Variants in STRIP2 observed in about 807,000 individuals in gnomAD.
STRIP2 encodes striatin interacting protein 2, also known as striatin-interacting protein 2.
In STRIP2, 84 loss-of-function variants were observed where a neutral mutation model predicts 107.1. That is an observed-to-expected ratio of 0.78 (90% CI 0.66 to 0.94). STRIP2 has a LOEUF of 0.94. Ranked by LOEUF, STRIP2 falls within the 40% of genes least tolerant of loss-of-function variation. STRIP2 has a pLI of 0.00. For synonymous variants in STRIP2, 394 were observed against 400.4 expected, an observed-to-expected ratio of 0.98 and a Z score of 0.19; for missense variants, 888 against 1,034.2, an observed-to-expected ratio of 0.86 and a Z score of 1.94.
chr7:129,481,650 G>A (rs1257571449), intron 19 of STRIP2, among the ~76,000 whole-genome samples: 1 of 152,084 alleles, frequency 6.6e-6, no homozygotes. Flanking sequence ...AGTGGTGCAT[G>A]CCTGTAATCC....
At chr7:129,476,775 C>A (rs942453015) in intron 18 of STRIP2, among the ~76,000 whole-genome samples, 1 of 152,228 alleles carries the variant, frequency 6.6e-6, no homozygotes, top group East Asian at 1.9e-4. Context: ...GACGGGGTGG[C>A]GGCCGGGCAG....
intron 11 of STRIP2, 44 bp from the exon 12 acceptor site, chr7:129,459,473 C>T (rs774184932): frequency 9.0e-6 from 14 of 1,562,348 alleles, no homozygotes; most frequent in South Asian, 2.2e-5. Flanking sequence ...CAGTAGTTCT[C>T]GTACTTTGGA....
At chr7:129,454,242 G>T (rs767022707) in intron 6 of STRIP2, 32 bp downstream of exon 6, 1 of 1,608,036 alleles carries the variant, frequency 6.2e-7, no homozygotes, top group Non-Finnish European at 8.5e-7. Context: ...CTTGGAACAG[G>T]GCAGATGATT....
At chr7:129,462,850 AC>A (rs1798576301) in intron 13 of STRIP2, 115 bp from the exon 14 acceptor site, 1 of 747,858 alleles carries the variant, frequency 1.3e-6, no homozygotes, top group Non-Finnish European at 2.3e-6. Context: ...TAGGGTAGAA[AC>A]CTAGATCTGA....
Position 129,458,609 on chromosome 7 carries a change from C to A in STRIP2, c.1275-103C>A. The stretch of plus-strand genomic sequence containing the variant: ...TGTTGATTGCTGCCTTTTTCCACTG[C>A]TCCAGTCCTCTGATTGGAGGGATAG... On this transcript the variant is annotated intron_variant, in intron 10 of 20. Coordinates refer to ENST00000249344, the MANE Select transcript of STRIP2 (RefSeq NM_020704.3). The surrounding 1 kb of genome is among the most constrained non-coding windows in gnomAD (Gnocchi z 4.6). The A allele has an allele frequency of 7.2e-7, 1 of 1,383,136 alleles. No homozygotes were observed. The highest frequency in any genetic ancestry group is 1.0e-6 in the Non-Finnish European group (1 of 985,382). The allele number at this position is 1,383,136 out of a possible 1,614,324, so 85.7% of individuals were successfully genotyped here. A position where few individuals can be genotyped will look rare whatever the true frequency, so the allele number is the denominator to read the frequency against.
intron 18 of STRIP2, among the ~76,000 whole-genome samples, chr7:129,475,555 T>C (rs1321866372): frequency 1.6e-5 from 2 of 128,568 alleles, no homozygotes; most frequent in African/African-American, 5.5e-5. Context: ...TTTTTTTTCT[T>C]TTTTTTTTTT....
At chr7:129,435,596 G>C (rs1460495475) in intron 1 of STRIP2, among the ~76,000 whole-genome samples, 1 of 152,116 alleles carries the variant, frequency 6.6e-6, no homozygotes, top group Non-Finnish European at 1.5e-5. Context: ...GTGATTTTCG[G>C]CACATTACGG....
chr7:129,475,709 C>T (rs545256888), intron 18 of STRIP2, among the ~76,000 whole-genome samples: 5 of 150,932 alleles, frequency 3.3e-5, no homozygotes, highest in South Asian at 2.1e-4. Context: ...GAGGACCCTG[C>T]GGCCTACCGC....
rs567798962 is a variant in STRIP2 at position 129,487,710 on chromosome 7, C to T, written c.*1881C>T. ...AGCACAACTCCTGTAAATTAATCTA[C>T]AGTCAGGCTAGTATGATTTTAATAT... On this transcript the variant is annotated 3_prime_UTR_variant, in exon 21 of 21. Coordinates refer to ENST00000249344, the MANE Select transcript of STRIP2 (RefSeq NM_020704.3). 2 of 152,272 alleles carry T rather than the reference C, an allele frequency of 1.3e-5. No individual in the cohort carries two copies. The highest frequency in any genetic ancestry group is 1.9e-4 in the East Asian group (1 of 5,184). 9.4% of individuals were successfully genotyped at this position (152,272 alleles called of 1,614,324 possible). A position where few individuals can be genotyped will look rare whatever the true frequency, so the allele number is the denominator to read the frequency against.
At position 129,434,481 on chromosome 7, in the gene STRIP2, C is replaced by T. The variant is rs928909729; in HGVS notation, c.9C>T (p.Asp3=). Residue 3 remains aspartate (D), a synonymous_variant, in exon 1 of 21, where the codon GAC becomes GAT. Transcript: ENST00000249344. ...AGCCGCTGACCAGCAGCATGGAGGACCCCGCCGCGCCTGGGACCGGGGGCC... is the reference window on the plus strand; with the variant it reads ...AGCCGCTGACCAGCAGCATGGAGGATCCCGCCGCGCCTGGGACCGGGGGCC... The part of the protein sequence containing the change: ME[D]PAAPGTGGPP... 1.3e-6 allele frequency: 2 copies of T among 1,513,710 alleles called. No individual in the cohort carries two copies. Among genetic ancestry groups the T allele is most frequent in the African/African-American group, 2.8e-5 (2 of 70,252 alleles). The allele number at this position is 1,513,710 out of a possible 1,614,324, so 93.8% of individuals were successfully genotyped here. A position where few individuals can be genotyped will look rare whatever the true frequency, so the allele number is the denominator to read the frequency against.
chr7:129,467,288 TCAAACA>T, intron 16 of STRIP2, 56 bp from the exon 17 acceptor site: 2 of 1,217,808 alleles, frequency 1.6e-6, no homozygotes, highest in Admixed American at 1.8e-5. Flanking sequence ...TCTCTTTTTT[TCAAACA>T]TACTTTCCAT....
In STRIP2 at chr7:129,434,487, C is replaced by A. The variant is rs1299308896; in HGVS notation, c.15C>A (p.Ala5=). 4.0e-6 allele frequency: 6 copies of A among 1,514,930 alleles called. No individual in the cohort carries two copies. The East Asian group carries it at 1.0e-4, about 26-fold the overall frequency. 93.8% of individuals were successfully genotyped at this position (1,514,930 alleles called of 1,614,324 possible). The part of the protein sequence containing the change: MEDP[A]APGTGGPPAN... ...TGACCAGCAGCATGGAGGACCCCGC[C>A]GCGCCTGGGACCGGGGGCCCGCCCG... Residue 5 remains alanine, a synonymous_variant, in exon 1 of 21, where the codon GCC becomes GCA. Transcript: ENST00000249344.
In STRIP2 at chr7:129,434,437, C is replaced by G. The variant is rs1009675026; in HGVS notation, c.-36C>G. 90 of 1,448,434 alleles carry G rather than the reference C, an allele frequency of 6.2e-5. No homozygotes were observed. Among genetic ancestry groups the G allele is most frequent in the Non-Finnish European group, 3.0e-5 (33 of 1,106,066 alleles). 89.7% of individuals were successfully genotyped at this position (1,448,434 alleles called of 1,614,324 possible). On this transcript the variant is annotated 5_prime_UTR_variant, in exon 1 of 21. Coordinates refer to ENST00000249344, the MANE Select transcript of STRIP2 (RefSeq NM_020704.3). ...GGCGGTAGGGTCGCCTCCGGCAAAG[C>G]GAGCTGAACCCTGAGGGGAGCCGCT...
At chr7:129,456,837 T>C (rs1222732621) in intron 9 of STRIP2, among the ~76,000 whole-genome samples, 195 bp downstream of exon 9, 1 of 152,146 alleles carries the variant, frequency 6.6e-6, no homozygotes, top group East Asian at 1.9e-4. Context: ...CCCTGCGCTG[T>C]TGTGATGTGA....
intron 4 of STRIP2, among the ~76,000 whole-genome samples, chr7:129,452,306 A>G (rs957826851): frequency 6.6e-6 from 1 of 152,218 alleles, no homozygotes; most frequent in Non-Finnish European, 1.5e-5. Context: ...GGAAAGGGAA[A>G]TGAGATAGCC....
At chr7:129,439,947 ATAAG>A in intron 1 of STRIP2, 71 bp from the exon 2 acceptor site, 1 of 1,166,698 alleles carries the variant, frequency 8.6e-7, no homozygotes, top group Non-Finnish European at 1.3e-6. Context: ...AAGAAGATAA[ATAAG>A]GGTACAGTCT....
At chr7:129,460,609 T>G (rs1798506011) in intron 13 of STRIP2, 11 of 504,508 alleles carry the variant, frequency 2.2e-5, no homozygotes, top group Non-Finnish European at 2.5e-5. Context: ...TTAAACAGGA[T>G]GACATGAAAG....
At chr7:129,452,626 A>G (rs572187003) in intron 4 of STRIP2, among the ~76,000 whole-genome samples, 81 of 152,210 alleles carry the variant, frequency 5.3e-4, no homozygotes, top group South Asian at 1.2e-3. Context: ...GGCTCGAGCT[A>G]TCCTCCTGCT....
chr7:129,477,047 C>G (rs1047391025), intron 18 of STRIP2, among the ~76,000 whole-genome samples: 5 of 151,194 alleles, frequency 3.3e-5, no homozygotes, highest in Admixed American at 1.3e-4. Flanking sequence ...TGGCGGCGCG[C>G]GCCTGCAATC....
Sources: allele counts gnomAD v4.1 joint callset (sites outside exome capture counted in the v4.1 genomes callset), GRCh38; gene constraint gnomAD v4.1.1; non-coding constraint Gnocchi (gnomAD v3.1); transcripts MANE v1.5; gene names NCBI Gene and HGNC (gene_info 2026-07-23, HGNC 2026-07-21).